Variants in BICC1 observed in about 807,000 individuals in gnomAD.
BICC1 encodes protein bicaudal C homolog 1.
Under a neutral mutation model 111.0 loss-of-function variants are expected in BICC1, and 43 were observed. The observed-to-expected ratio is 0.39, with a 90% CI of 0.30 to 0.50. The LOEUF is 0.50. BICC1 is among the 20% of genes least tolerant of loss of function. The pLI is 0.88. For synonymous variants in BICC1, 467 were observed against 434.4 expected, an observed-to-expected ratio of 1.07 and a Z score of -0.93; for missense variants, 1,091 against 1,203.2, an observed-to-expected ratio of 0.91 and a Z score of 1.38.
At chr10:58,551,502 T>C (rs1375487746) in intron 1 of BICC1, among the ~76,000 whole-genome samples, 1 of 152,194 alleles carries the variant, frequency 6.6e-6, no homozygotes, top group Non-Finnish European at 1.5e-5. Context: ...GGTGAACACA[T>C]TTAAAATCTG....
chr10:58,808,308 T>A (rs1174605888), intron 17 of BICC1, among the ~76,000 whole-genome samples: 2 of 152,190 alleles, frequency 1.3e-5, no homozygotes, highest in Non-Finnish European at 2.9e-5. Context: ...AATAAACATC[T>A]CCTTTTGTTA....
At chr10:58,822,388 C>T (rs996735926) in intron 20 of BICC1, among the ~76,000 whole-genome samples, 2 of 152,122 alleles carry the variant, frequency 1.3e-5, no homozygotes, top group Non-Finnish European at 2.9e-5. Context: ...CAATACCTTT[C>T]CTCTGGAATA....
intron 2 of BICC1, among the ~76,000 whole-genome samples, chr10:58,671,593 C>T (rs1234222587): frequency 1.3e-5 from 2 of 152,086 alleles, no homozygotes; most frequent in African/African-American, 2.4e-5. Flanking sequence ...AAATGGGGTT[C>T]CAATTGGGAC....
chr10:58,727,003 G>A (rs114937488), intron 3 of BICC1, among the ~76,000 whole-genome samples: 1,971 of 152,162 alleles, frequency 0.013, 39 homozygotes, highest in African/African-American at 0.046. Flanking sequence ...GAAACATGAA[G>A]TTGCTTTAGA....
chr10:58,652,218 A>G (rs1224790313), intron 2 of BICC1, among the ~76,000 whole-genome samples: 2 of 152,068 alleles, frequency 1.3e-5, no homozygotes, highest in African/African-American at 4.8e-5. Flanking sequence ...TTTGTGATTT[A>G]TTTTTCAAAT....
At chr10:58,542,157 A>AAAC (rs1564479073) in intron 1 of BICC1, among the ~76,000 whole-genome samples, 1 of 145,556 alleles carries the variant, frequency 6.9e-6, no homozygotes, top group Non-Finnish European at 1.5e-5. Flanking sequence ...TCTCAAAAAA[A>AAAC]AAAAAAAAAC....
intron 2 of BICC1, among the ~76,000 whole-genome samples, chr10:58,641,007 C>A (rs1224344600): frequency 6.6e-6 from 1 of 152,100 alleles, no homozygotes; most frequent in Admixed American, 6.5e-5. Context: ...AAATTCTTGC[C>A]CATTGAGGAT....
chr10:58,542,160 A>AC (rs1554803872), intron 1 of BICC1, among the ~76,000 whole-genome samples: 2 of 146,952 alleles, frequency 1.4e-5, no homozygotes, highest in Non-Finnish European at 3.0e-5. Flanking sequence ...CAAAAAAAAA[A>AC]AAAAAACAAA....
At chr10:58,654,344 T>C (rs1387521026) in intron 2 of BICC1, among the ~76,000 whole-genome samples, 5 of 72,014 alleles carry the variant, frequency 6.9e-5, no homozygotes, top group African/African-American at 1.6e-4. Flanking sequence ...CCAGCACCTG[T>C]TGTTTCCTGA....
chr10:58,577,077 T>C (rs1844134472), intron 1 of BICC1, among the ~76,000 whole-genome samples: 1 of 152,138 alleles, frequency 6.6e-6, no homozygotes, highest in Non-Finnish European at 1.5e-5. Context: ...TTTGATCAGA[T>C]GAGGTTGGTT....
At chr10:58,562,377 C>G (rs1311275559) in intron 1 of BICC1, among the ~76,000 whole-genome samples, 1 of 152,008 alleles carries the variant, frequency 6.6e-6, no homozygotes, top group Non-Finnish European at 1.5e-5. Context: ...AAAAATCAGT[C>G]TCTTCTGCTT....
At chr10:58,681,581 G>A (rs1839522165) in intron 2 of BICC1, among the ~76,000 whole-genome samples, 1 of 152,190 alleles carries the variant, frequency 6.6e-6, no homozygotes, top group African/African-American at 2.4e-5. Flanking sequence ...AGCCATTGTG[G>A]AAGACACTGT....
intron 8 of BICC1, among the ~76,000 whole-genome samples, chr10:58,791,886 G>A (rs555506720): frequency 1.3e-5 from 2 of 152,206 alleles, no homozygotes; most frequent in African/African-American, 4.8e-5. Flanking sequence ...CTGCCTCCTG[G>A]GTTGAAGTGA....
At chr10:58,636,529 C>G (rs1402309272) in intron 2 of BICC1, among the ~76,000 whole-genome samples, 1 of 152,022 alleles carries the variant, frequency 6.6e-6, no homozygotes, top group African/African-American at 2.4e-5. Context: ...GTTTTTAAAA[C>G]TTGGGTGATC....
At chr10:58,660,587 G>A (rs1331918312) in intron 2 of BICC1, among the ~76,000 whole-genome samples, 1 of 152,026 alleles carries the variant, frequency 6.6e-6, no homozygotes, top group African/African-American at 2.4e-5. Context: ...CTGGTTTCCA[G>A]GATCCTCAGT....
At chr10:58,650,956 G>A (rs1384900100) in intron 2 of BICC1, 1 of 151,786 alleles carries the variant, frequency 6.6e-6, no homozygotes, top group Non-Finnish European at 1.5e-5. Flanking sequence ...AAATGTTAAT[G>A]GTAACACTTC....
In BICC1 at chr10:58,521,777, T is replaced by G. The variant is rs1291780987; in HGVS notation, c.190+8444T>G. Among the ~76,000 whole-genome samples the G allele has an allele frequency of 2.9e-3, 82 of 28,112 alleles. 3 individuals are homozygous for G. Among genetic ancestry groups the G allele is most frequent in the African/African-American group, 0.019 (62 of 3,234 alleles). The allele number at this position is 28,112 out of a possible 152,430, so 18.4% of individuals were successfully genotyped here. A position where few individuals can be genotyped will look rare whatever the true frequency, so the allele number is the denominator to read the frequency against. Reference sequence around the variant, plus strand: ...AGCCAGGGAATGTGGTGTTTTTTTTTTTTTTTTTTTTTTTTTTTTTTTTTT... The same window carrying G: ...AGCCAGGGAATGTGGTGTTTTTTTTGTTTTTTTTTTTTTTTTTTTTTTTTT... On this transcript the variant is annotated intron_variant, in intron 1 of 20. Transcript: ENST00000373886.
intron 6 of BICC1, 103 bp downstream of exon 6, chr10:58,788,526 C>A: frequency 1.3e-6 from 1 of 783,574 alleles, no homozygotes; most frequent in Non-Finnish European, 2.1e-6. Context: ...GAATCATGTT[C>A]AATCAGTAGG....
chr10:58,818,732 C>A (rs16912631), intron 19 of BICC1, among the ~76,000 whole-genome samples: 2,212 of 151,708 alleles, frequency 0.015, 59 homozygotes, highest in African/African-American at 0.051. Context: ...TTCATTTAAC[C>A]AAGAATTTTC....
Sources: gnomAD v4.1 joint callset for allele counts (sites outside exome capture counted in the v4.1 genomes callset) on GRCh38, gnomAD v4.1.1 for gene constraint, MANE v1.5 for transcripts, NCBI Gene and HGNC (gene_info 2026-07-23, HGNC 2026-07-21) for gene names.